IDO2: variants seen among roughly 807,000 people sequenced by gnomAD.
IDO2 encodes the protein indoleamine 2,3-dioxygenase 2, also known as indoleamine 2,3-dioxygenase-like 1 protein.
A neutral mutation model predicts 45.1 loss-of-function variants in IDO2; 46 were observed. That is an observed-to-expected ratio of 1.02 (90% CI 0.80 to 1.30). The LOEUF is 1.30. Ranked by LOEUF, IDO2 falls within the 50% of genes most tolerant of loss-of-function variation. The pLI is 0.00. For synonymous variants in IDO2, 218 were observed against 184.9 expected, an observed-to-expected ratio of 1.18 and a Z score of -1.45; for missense variants, 544 against 491.8, an observed-to-expected ratio of 1.11 and a Z score of -1.00.
At chr8:40,000,492 A>C (rs766079317) in intron 8 of IDO2, among the ~76,000 whole-genome samples, 1 of 152,206 alleles carries the variant, frequency 6.6e-6, no homozygotes, top group Non-Finnish European at 1.5e-5. Flanking sequence ...TTGTCTAAAA[A>C]GAATTAAAAT....
chr8:39,939,978 C>G (rs1422115653), intron 1 of IDO2, among the ~76,000 whole-genome samples: 1 of 152,130 alleles, frequency 6.6e-6, no homozygotes, highest in Non-Finnish European at 1.5e-5. Context: ...CCTAATACCC[C>G]GACTGATAGA....
chr8:39,958,055 G>A (rs974155363), intron 2 of IDO2, among the ~76,000 whole-genome samples: 2 of 150,910 alleles, frequency 1.3e-5, no homozygotes, highest in African/African-American at 4.9e-5. Flanking sequence ...ACAGGGACCC[G>A]CCACCATGCC....
At chr8:39,999,600 T>C (rs1420632729) in intron 8 of IDO2, among the ~76,000 whole-genome samples, 4 of 151,184 alleles carry the variant, frequency 2.6e-5, no homozygotes, top group Non-Finnish European at 5.9e-5. Context: ...ACTTTTTATT[T>C]TTACAGGCAC....
intron 3 of IDO2, among the ~76,000 whole-genome samples, chr8:39,974,133 A>C (rs968296313): frequency 6.6e-6 from 1 of 152,204 alleles, no homozygotes; most frequent in Non-Finnish European, 1.5e-5. Context: ...GATTTTTCCT[A>C]TCAGTTTTCA....
intron 8 of IDO2, among the ~76,000 whole-genome samples, chr8:40,002,851 A>T (rs896015557): frequency 2.6e-5 from 4 of 152,156 alleles, no homozygotes; most frequent in Admixed American, 6.6e-5. Context: ...AAATGTCTAC[A>T]TTAATTTGGA....
intron 3 of IDO2, among the ~76,000 whole-genome samples, chr8:39,966,203 A>G (rs867600026): frequency 6.6e-6 from 1 of 151,838 alleles, no homozygotes; most frequent in African/African-American, 2.4e-5. Context: ...TAATTTTTGT[A>G]TTTGTAGTAG....
In IDO2 at chr8:39,963,471, C is replaced by T. The variant is rs887433655; in HGVS notation, c.100-137C>T. 4.9e-6 allele frequency: 3 copies of T among 609,504 alleles called. No individual in the cohort carries two copies. The Admixed American group carries it at 9.1e-5, about 18-fold the overall frequency. 37.8% of individuals were successfully genotyped at this position (609,504 alleles called of 1,614,324 possible). A position where few individuals can be genotyped will look rare whatever the true frequency, so the allele number is the denominator to read the frequency against. Reference sequence around the variant, plus strand: ...TGAGGTGAGCACAGGGCCTAACTAGCATATGGTGCATTCTCAATGTTCGTT... The same window carrying T: ...TGAGGTGAGCACAGGGCCTAACTAGTATATGGTGCATTCTCAATGTTCGTT... On this transcript the variant is annotated intron_variant, in intron 2 of 10. Coordinates refer to ENST00000502986, the Ensembl canonical transcript of IDO2.
intron 8 of IDO2, among the ~76,000 whole-genome samples, chr8:40,003,245 C>T (rs1303792575): frequency 6.6e-6 from 1 of 151,938 alleles, no homozygotes; most frequent in Non-Finnish European, 1.5e-5. Flanking sequence ...TGACACATGC[C>T]TGTAGTCCCA....
At chr8:39,997,592 C>T (rs1259253873) in intron 8 of IDO2, among the ~76,000 whole-genome samples, 1 of 151,978 alleles carries the variant, frequency 6.6e-6, no homozygotes, top group Non-Finnish European at 1.5e-5. Context: ...GGATGCACCT[C>T]AAGGCTGCAA....
chr8:40,013,529 C>G (rs1249176037), intron 9 of IDO2, 36 bp from the exon 10 acceptor site: 3 of 1,592,896 alleles, frequency 1.9e-6, no homozygotes, highest in Admixed American at 1.7e-5. Flanking sequence ...TACCTCCCTG[C>G]ACCCCTTTCA....
intron 2 of IDO2, among the ~76,000 whole-genome samples, chr8:39,952,245 G>T (rs1807824683): frequency 6.6e-6 from 1 of 152,134 alleles, no homozygotes; most frequent in South Asian, 2.1e-4. Context: ...ACAATTGGCT[G>T]CCCTGCTCAA....
chr8:39,947,787 CT>C (rs34173446), intron 1 of IDO2, among the ~76,000 whole-genome samples: 80,675 of 137,314 alleles, frequency 0.59, 23,295 homozygotes, highest in Non-Finnish European at 0.67. Flanking sequence ...AGTGCTATTT[CT>C]TTTTTTTTTT....
intron 3 of IDO2, among the ~76,000 whole-genome samples, chr8:39,975,705 C>T (rs1358360704): frequency 1.3e-5 from 2 of 152,170 alleles, no homozygotes; most frequent in Non-Finnish European, 1.5e-5. Flanking sequence ...AACTGCTTGT[C>T]ATTATCTGGC....
Position 39,961,034 on chromosome 8 carries a change from T to C in IDO2, c.100-2574T>C, listed in dbSNP as rs552256877. On this transcript the variant is annotated intron_variant, in intron 2 of 10. Coordinates refer to ENST00000502986, the Ensembl canonical transcript of IDO2. ...TCCTGACCTCGTGATCTGCCTGCATTGGCCTCCCAAAGAGTTGGGATTATA... is the reference window on the plus strand; with the variant it reads ...TCCTGACCTCGTGATCTGCCTGCATCGGCCTCCCAAAGAGTTGGGATTATA... Among the ~76,000 whole-genome samples, 6 of 152,302 alleles carry C rather than the reference T, an allele frequency of 3.9e-5. No individual in the cohort carries two copies. In the South Asian group the frequency reaches 1.2e-3, roughly 32 times the overall value.
chr8:39,975,657 T>A lies in IDO2; in HGVS notation c.196-3410T>A, dbSNP rs148009006. On this transcript the variant is annotated intron_variant, in intron 3 of 10. Transcript: ENST00000502986. ...GGTATTGGCAGGAATATAAAACACC[T>A]GAATCTTTTATTCACTGTGGGTACA... Among the ~76,000 whole-genome samples, 171 of 152,288 alleles carry A rather than the reference T, an allele frequency of 1.1e-3. 5 individuals carry two copies. In the East Asian group the frequency reaches 0.027, roughly 24 times the overall value.
Position 39,935,121 on chromosome 8 carries a change from T to C in IDO2, c.-115T>C. ...AAATGTACCATAATACAGAAGGCAA[T>C]GGACACCTAAAGAACAGAATGAAAA... On this transcript the variant is annotated 5_prime_UTR_variant, in exon 1 of 11. The change abolishes an upstream ATG in the 5' untranslated region. Transcript: ENST00000502986. The C allele has an allele frequency of 8.0e-7, 1 of 1,257,238 alleles. No individual in the cohort carries two copies. Among genetic ancestry groups the C allele is most frequent in the Non-Finnish European group, 1.2e-6 (1 of 854,196 alleles). 77.9% of individuals were successfully genotyped at this position (1,257,238 alleles called of 1,614,324 possible). A position where few individuals can be genotyped will look rare whatever the true frequency, so the allele number is the denominator to read the frequency against.
chr8:40,015,543 A>T (rs1009281565), exon 11 of IDO2: 1 of 1,613,866 alleles, frequency 6.2e-7, no homozygotes, highest in Non-Finnish European at 8.5e-7. Flanking sequence ...CGCAGTTATG[A>T]GCTTTCTTAA....
intron 2 of IDO2, among the ~76,000 whole-genome samples, chr8:39,958,206 TTA>T (rs1181582343): frequency 1.3e-5 from 2 of 151,256 alleles, no homozygotes; most frequent in Non-Finnish European, 3.0e-5. Context: ...CGCCCAGACT[TTA>T]TTTTATTTTT....
chr8:39,960,513 A>C (rs1410791995), intron 2 of IDO2, among the ~76,000 whole-genome samples: 2 of 152,160 alleles, frequency 1.3e-5, no homozygotes, highest in East Asian at 3.8e-4. Flanking sequence ...CTGAAATGCA[A>C]ATTCCCTACT....
Sources: allele counts gnomAD v4.1 joint callset (sites outside exome capture counted in the v4.1 genomes callset), GRCh38; gene constraint gnomAD v4.1.1; transcripts MANE v1.5; gene names NCBI Gene and HGNC (gene_info 2026-07-23, HGNC 2026-07-21).